Variants in CACNA1H observed in about 807,000 individuals in gnomAD.
CACNA1H encodes the protein calcium voltage-gated channel subunit alpha1 H.
A neutral mutation model predicts 192.5 loss-of-function variants in CACNA1H; 149 were observed. That is an observed-to-expected ratio of 0.77 (90% confidence interval 0.68 to 0.89). CACNA1H has a LOEUF of 0.89. CACNA1H is among the 40% of genes least tolerant of loss of function. The probability of loss-of-function intolerance (pLI) is 0.00; values close to 1 mark genes in which losing one functional copy is unlikely to be tolerated. For synonymous variants in CACNA1H, 2,202 were observed against 1,475.2 expected (o/e 1.49, Z -11.29); for missense variants, 4,257 against 3,423.5 (o/e 1.24, Z -6.08).
At chr16:1,198,551 G>C (rs1472263835) in intron 5 of CACNA1H, 64 bp from the exon 6 acceptor site, 38 of 1,574,628 alleles carry the variant, frequency 2.4e-5, no homozygotes, top group Non-Finnish European at 3.0e-5. Context: ...CCCGGGAGGG[G>C]CTGCAGCCCC....
At chr16:1,161,081 G>A (rs1314538188) in intron 2 of CACNA1H, among the ~76,000 whole-genome samples, 1 of 152,158 alleles carries the variant, frequency 6.6e-6, no homozygotes, top group Non-Finnish European at 1.5e-5. Context: ...TGCACCCCCA[G>A]CCCTGCTTTG....
chr16:1,203,744 C>T (rs1968291620), intron 9 of CACNA1H, among the ~76,000 whole-genome samples: 1 of 152,202 alleles, frequency 6.6e-6, no homozygotes. Flanking sequence ...TCTGTCTTCA[C>T]ATGGCTCTTT....
chr16:1,165,664 G>T (rs1245806999), intron 2 of CACNA1H, among the ~76,000 whole-genome samples: 1 of 152,174 alleles, frequency 6.6e-6, no homozygotes, highest in African/African-American at 2.4e-5. Flanking sequence ...CCATTGCCAG[G>T]TGGCTGCACG....
intron 21 of CACNA1H, 51 bp from the exon 22 acceptor site, chr16:1,211,117 C>G (rs1969392351): frequency 6.3e-7 from 1 of 1,597,528 alleles, no homozygotes; most frequent in Non-Finnish European, 8.5e-7. Context: ...CTGCCGGCGC[C>G]TGGCAGCTGC....
At chr16:1,163,963 A>G (rs899947154) in intron 2 of CACNA1H, among the ~76,000 whole-genome samples, 28 of 152,224 alleles carry the variant, frequency 1.8e-4, no homozygotes, top group Admixed American at 1.3e-3. Context: ...TGAAGAGGGG[A>G]GAGGCCGTGT....
chr16:1,218,112 G>A (rs753989322), intron 32 of CACNA1H, 72 bp downstream of exon 32: 473 of 1,550,372 alleles, frequency 3.1e-4, no homozygotes, highest in Non-Finnish European at 3.8e-4. Context: ...GGAACGGGTC[G>A]GATCCGTCCT....
At chr16:1,175,060 A>T (rs12921365) in intron 2 of CACNA1H, among the ~76,000 whole-genome samples, 69,524 of 151,460 alleles carry the variant, frequency 0.46, 17,175 homozygotes, top group Middle Eastern at 0.67. Context: ...CAGGAGTCCT[A>T]CTCTACGCAC....
At chr16:1,202,816 G>A (rs777443819) in intron 9 of CACNA1H, among the ~76,000 whole-genome samples, 4 of 152,142 alleles carry the variant, frequency 2.6e-5, no homozygotes, top group African/African-American at 4.8e-5. Flanking sequence ...CCTGGAGGAC[G>A]TGCAGCGTCC....
At chr16:1,179,484 G>A (rs542470532) in intron 2 of CACNA1H, among the ~76,000 whole-genome samples, 63 of 152,260 alleles carry the variant, frequency 4.1e-4, no homozygotes, top group Middle Eastern at 6.8e-3. Context: ...CGTTGTTGTT[G>A]CTGGTGTGAT....
chr16:1,220,718 C>T lies in CACNA1H; in HGVS notation c.6786C>T (p.Thr2262=), dbSNP rs568142514. 23 of 1,612,186 alleles carry T rather than the reference C, an allele frequency of 1.4e-5. No individual in the cohort carries two copies. The highest frequency in any genetic ancestry group is 6.7e-5 in the Admixed American group (4 of 59,924). The change falls in exon 35 of 35, where the codon ACC becomes ACT. Residue 2262 remains threonine (T), a synonymous_variant. Coordinates refer to ENST00000348261, the MANE Select transcript of CACNA1H (RefSeq NM_021098.3). The part of the protein sequence containing the change: ...GQASCRAEHL[T]VPSFAFEPLD... The stretch of plus-strand genomic sequence containing the variant: ...CCTCCTGCCGGGCTGAGCACCTGAC[C>T]GTCCCCAGCTTTGCCTTTGAGCCGC...
rs1175007347 is a variant in CACNA1H, at chr16:1,218,314, G to T, written c.5550G>T (p.Val1850=). Residue 1850 remains valine, a synonymous_variant, in exon 33 of 35, where the codon GTG becomes GTT. Transcript: ENST00000348261. ...FVTFVLVAQF[V]LVNVVVAVLM... ...CCTTCGTGCTGGTGGCCCAGTTCGT[G>T]CTGGTGAACGTGGTGGTGGCCGTGC... 1.2e-5 allele frequency: 19 copies of T among 1,556,712 alleles called. No individual in the cohort carries two copies. The highest frequency in any genetic ancestry group is 1.5e-5 in the Non-Finnish European group (17 of 1,150,754).
At position 1,221,731 on chromosome 16, in the gene CACNA1H, G is replaced by T; in HGVS notation, c.*737G>T. On this transcript the variant is annotated 3_prime_UTR_variant, in exon 35 of 35. Coordinates refer to ENST00000348261, the MANE Select transcript of CACNA1H (RefSeq NM_021098.3). ...GACTCAGCTTCTCAAGGGAGAGGGA[G>T]GGGGCGGAGCGGAATAAATAGTAAC... 1.4e-6 allele frequency: 2 copies of T among 1,463,818 alleles called. No individual in the cohort carries two copies. Among genetic ancestry groups the T allele is most frequent in the South Asian group, 1.4e-5 (1 of 72,898 alleles). 90.7% of individuals were successfully genotyped at this position (1,463,818 alleles called of 1,614,324 possible).
chr16:1,153,359 C>T lies in CACNA1H; in HGVS notation c.-130C>T, dbSNP rs1486902708. The T allele has an allele frequency of 7.1e-6, 1 of 141,840 alleles. No homozygotes were observed. Among genetic ancestry groups the T allele is most frequent in the Non-Finnish European group, 1.6e-5 (1 of 63,890 alleles). 8.8% of individuals were successfully genotyped at this position (141,840 alleles called of 1,614,324 possible). On this transcript the variant is annotated 5_prime_UTR_variant, in exon 1 of 35. Coordinates refer to ENST00000348261, the MANE Select transcript of CACNA1H (RefSeq NM_021098.3). ...GAGGCGCTGGGGGCCGGGGCCGGGG[C>T]CGGGGGCGGAGGCGCTGGGGGCCGG...
At chr16:1,183,332 C>A (rs988336716) in intron 2 of CACNA1H, among the ~76,000 whole-genome samples, 2 of 152,204 alleles carry the variant, frequency 1.3e-5, no homozygotes, top group Admixed American at 6.5e-5. Context: ...GAGTTAAAAC[C>A]CTGCGGTGGC....
chr16:1,173,088 C>T (rs896515555), intron 2 of CACNA1H, among the ~76,000 whole-genome samples: 1 of 152,006 alleles, frequency 6.6e-6, no homozygotes, highest in African/African-American at 2.4e-5. Flanking sequence ...CTGGGAAGCC[C>T]AAGTGTCCTT....
intron 2 of CACNA1H, among the ~76,000 whole-genome samples, chr16:1,181,376 G>A (rs150576058): frequency 6.6e-6 from 1 of 152,262 alleles, no homozygotes; most frequent in Non-Finnish European, 1.5e-5. Context: ...CCCCGGCAAC[G>A]GTGGGAGCTG....
chr16:1,188,400 A>G (rs1409163280), intron 2 of CACNA1H, among the ~76,000 whole-genome samples: 1 of 152,170 alleles, frequency 6.6e-6, no homozygotes, highest in African/African-American at 2.4e-5. Flanking sequence ...CTCAGGGCTC[A>G]GTCGGCACTG....
In CACNA1H at chr16:1,210,601, G is replaced by A. The variant is rs28365125; in HGVS notation, c.3988G>A (p.Val1330Ile). The change falls in exon 20 of 35, where the codon GTC becomes ATC. Residue 1330 changes from valine (V) to isoleucine (I), a missense_variant. Val to Ile is a conservative substitution (Grantham distance 29, BLOSUM62 3). Coordinates refer to ENST00000348261, the MANE Select transcript of CACNA1H (RefSeq NM_021098.3). The part of the protein sequence containing the change: ...PGSTERVFLS[V>I]SNYIFTAIFV... ...CCGGCAGGAGCGGGTCTTCCTCAGCGTCTCCAATTACATCTTCACGGCCAT... is the reference window on the plus strand; with the variant it reads ...CCGGCAGGAGCGGGTCTTCCTCAGCATCTCCAATTACATCTTCACGGCCAT... 9.3e-5 allele frequency: 150 copies of A among 1,608,204 alleles called. 1 individual carries two copies. In the East Asian group the frequency reaches 2.3e-3, roughly 25 times the overall value.
At chr16:1,197,028 C>T (rs977257051) in intron 5 of CACNA1H, among the ~76,000 whole-genome samples, 10 of 152,166 alleles carry the variant, frequency 6.6e-5, no homozygotes, top group African/African-American at 1.7e-4. Context: ...CCTGCAGCAA[C>T]CCCCCAAAGT....
Sources: allele counts gnomAD v4.1 joint callset (sites outside exome capture counted in the v4.1 genomes callset), GRCh38; gene constraint gnomAD v4.1.1; transcripts MANE v1.5; gene names NCBI Gene and HGNC (gene_info 2026-07-23, HGNC 2026-07-21).